Variants in LIMCH1 observed in about 807,000 individuals in gnomAD.
LIMCH1 encodes the protein LIM and calponin homology domains-containing protein 1.
In LIMCH1, 113 loss-of-function variants were observed where a neutral mutation model predicts 176.5. The ratio of observed to expected loss-of-function variants is 0.64; its 90% CI spans 0.55 to 0.75. LIMCH1 has a LOEUF of 0.75. Ranked by LOEUF, LIMCH1 falls within the 30% of genes least tolerant of loss-of-function variation. The probability of loss-of-function intolerance (pLI) is 0.00; values close to 1 mark genes in which losing one functional copy is unlikely to be tolerated. For missense variants in LIMCH1, 1,674 were observed against 1,814.9 expected (o/e 0.92, Z 1.41); for synonymous variants, 619 against 645.9 (o/e 0.96, Z 0.63).
rs537115366 is a variant in LIMCH1 at position 41,538,803 on chromosome 4, A to G, written c.-241+453A>G. Among the ~76,000 whole-genome samples, 15 of 152,268 alleles carry G rather than the reference A, an allele frequency of 9.9e-5. No individual in the cohort carries two copies. In the East Asian group the frequency reaches 2.7e-3, roughly 27 times the overall value. Reference sequence around the variant, plus strand: ...TGTCACATTCTGCTCCTGACTCCACAGCCCCCTTTGCTTTTTAAAAACTTC... The same window carrying G: ...TGTCACATTCTGCTCCTGACTCCACGGCCCCCTTTGCTTTTTAAAAACTTC... On this transcript the variant is annotated intron_variant, in intron 1 of 31. Transcript: ENST00000503057.
chr4:41,644,430 C>G (rs990255609), intron 14 of LIMCH1, 70 bp from the exon 15 acceptor site: 2 of 1,410,768 alleles, frequency 1.4e-6, no homozygotes, highest in African/African-American at 3.0e-5. Context: ...CGCGGCAGGA[C>G]GCCCAGGCGC....
intron 26 of LIMCH1, 25 bp downstream of exon 26, chr4:41,682,485 T>G (rs752284327): frequency 6.8e-6 from 11 of 1,607,254 alleles, no homozygotes; most frequent in East Asian, 4.5e-5. Context: ...CAAGCCACCA[T>G]GAAAATGTAC....
At chr4:41,651,636 T>C (rs145919941) in intron 18 of LIMCH1, among the ~76,000 whole-genome samples, 261 of 152,310 alleles carry the variant, frequency 1.7e-3, no homozygotes, top group Middle Eastern at 6.8e-3. Context: ...GTTAATGCCA[T>C]TTGAAAATAA....
At chr4:41,547,859 GTGTGTATATATATATA>G (rs1277507261) in intron 1 of LIMCH1, among the ~76,000 whole-genome samples, 6 of 69,426 alleles carry the variant, frequency 8.6e-5, no homozygotes, top group African/African-American at 3.4e-4. Context: ...TAATTTGTGT[GTGTGTATATATATATA>G]TATATATATA....
chr4:41,424,521 A>G (rs2060900209), intron 1 of LIMCH1, among the ~76,000 whole-genome samples: 1 of 152,256 alleles, frequency 6.6e-6, no homozygotes, highest in Non-Finnish European at 1.5e-5. Context: ...AAGTTTATAC[A>G]GTGCAGATAG....
intron 17 of LIMCH1, among the ~76,000 whole-genome samples, chr4:41,648,284 T>C (rs979237940): frequency 2.0e-5 from 3 of 152,186 alleles, no homozygotes; most frequent in African/African-American, 7.2e-5. Flanking sequence ...ATCTAAATAG[T>C]GCAAAGTGAT....
At chr4:41,623,852 A>G (rs980337870) in intron 7 of LIMCH1, among the ~76,000 whole-genome samples, 1 of 152,256 alleles carries the variant, frequency 6.6e-6, no homozygotes, top group Admixed American at 6.5e-5. Context: ...CTTCCTGTCA[A>G]ACAATATATT....
intron 1 of LIMCH1, among the ~76,000 whole-genome samples, chr4:41,490,461 G>A (rs541963449): frequency 8.1e-4 from 124 of 152,196 alleles, no homozygotes; most frequent in African/African-American, 2.8e-3. Flanking sequence ...GGTGCTTGAG[G>A]TTAGGGAGTG....
chr4:41,661,362 A>T (rs989057417), intron 18 of LIMCH1, 58 bp from the exon 19 acceptor site: 4 of 1,274,716 alleles, frequency 3.1e-6, no homozygotes, highest in African/African-American at 3.0e-5. Context: ...TTAAAAAATA[A>T]TTTTTAGAAC....
At chr4:41,639,301 T>A (rs1252106709) in intron 14 of LIMCH1, among the ~76,000 whole-genome samples, 3 of 152,136 alleles carry the variant, frequency 2.0e-5, no homozygotes, top group Non-Finnish European at 4.4e-5. Flanking sequence ...GCATTCTGAG[T>A]TTTGCACTTA....
At chr4:41,612,977 G>T in intron 4 of LIMCH1, 1 of 1,547,746 alleles carries the variant, frequency 6.5e-7, no homozygotes, top group Non-Finnish European at 8.7e-7. Flanking sequence ...TGATTCTGCA[G>T]CAAAGACAAA....
At chr4:41,445,552 A>G (rs942606215) in intron 1 of LIMCH1, among the ~76,000 whole-genome samples, 2 of 152,242 alleles carry the variant, frequency 1.3e-5, no homozygotes, top group Non-Finnish European at 2.9e-5. Context: ...AAGCACTGCT[A>G]ATATTTTCAA....
At position 41,454,939 on chromosome 4, in the gene LIMCH1, C is replaced by CGTGT. The variant is rs1561424944; in HGVS notation, c.97-39597_97-39596insGTGT. On this transcript the variant is annotated intron_variant, in intron 1 of 26. Transcript: ENST00000313860. ...TTTTATAGCTGTGCTTGTATGCGTA[C>CGTGT]ATGTGTGTGTGTGTGTGTGTGTGTG... Among the ~76,000 whole-genome samples, 169 of 130,554 alleles carry CGTGT rather than the reference C, an allele frequency of 1.3e-3. 1 individual carries two copies. The highest frequency in any genetic ancestry group is 0.01 in the Admixed American group (138 of 13,226). The allele number at this position is 130,554 out of a possible 152,430, so 85.6% of individuals were successfully genotyped here. A position where few individuals can be genotyped will look rare whatever the true frequency, so the allele number is the denominator to read the frequency against.
At chr4:41,578,770 T>C (rs1251329177) in intron 1 of LIMCH1, among the ~76,000 whole-genome samples, 2 of 151,932 alleles carry the variant, frequency 1.3e-5, no homozygotes, top group Non-Finnish European at 2.9e-5. Flanking sequence ...TTGCCCAGGC[T>C]AGAGTGAAAT....
chr4:41,597,666 A>G (rs1408522270), intron 1 of LIMCH1, among the ~76,000 whole-genome samples: 1 of 152,198 alleles, frequency 6.6e-6, no homozygotes, highest in African/African-American at 2.4e-5. Context: ...CCTTGCAGCT[A>G]TAGAATTCAT....
intron 1 of LIMCH1, among the ~76,000 whole-genome samples, chr4:41,539,457 T>C (rs1438222171): frequency 6.6e-6 from 1 of 152,214 alleles, no homozygotes; most frequent in Non-Finnish European, 1.5e-5. Flanking sequence ...TCTGCTCTCC[T>C]GCTCTCTCTG....
chr4:41,655,138 G>T (rs569150134), intron 18 of LIMCH1, among the ~76,000 whole-genome samples: 1 of 152,178 alleles, frequency 6.6e-6, no homozygotes, highest in South Asian at 2.1e-4. Flanking sequence ...AGTTATATTT[G>T]TATCTGAAGC....
chr4:41,588,247 AT>A (rs1363493886), intron 1 of LIMCH1, among the ~76,000 whole-genome samples: 4 of 152,192 alleles, frequency 2.6e-5, no homozygotes, highest in African/African-American at 9.7e-5. Flanking sequence ...TTAAAAAATA[AT>A]TTTTAGATAC....
intron 3 of LIMCH1, among the ~76,000 whole-genome samples, chr4:41,527,805 A>C (rs1160839474): frequency 7.1e-6 from 1 of 141,352 alleles, no homozygotes; most frequent in African/African-American, 2.7e-5. Flanking sequence ...CCTGGGCGAC[A>C]GAGCGAGACT....
Sources: allele counts gnomAD v4.1 joint callset (sites outside exome capture counted in the v4.1 genomes callset), GRCh38; gene constraint gnomAD v4.1.1; transcripts MANE v1.5; gene names NCBI Gene and HGNC (gene_info 2026-07-23, HGNC 2026-07-21).